The following ZNF76 variants were observed in gnomAD, a reference collection of about 807,000 sequenced individuals.
The protein encoded by ZNF76 is zinc finger protein 76, also known as zinc finger protein 523.
In ZNF76, 66 loss-of-function variants were observed where a neutral mutation model predicts 66.9. The ratio of observed to expected loss-of-function variants is 0.99; its 90% CI spans 0.81 to 1.21. The LOEUF is 1.21. Ranked by LOEUF, ZNF76 falls within the 50% of genes most tolerant of loss-of-function variation. ZNF76 has a pLI of 0.00. For synonymous variants in ZNF76, 275 were observed against 296.1 expected, an observed-to-expected ratio of 0.93 and a Z score of 0.73; for missense variants, 729 against 760.3, an observed-to-expected ratio of 0.96 and a Z score of 0.48.
chr6:35,271,804 T>C (rs1334875027), intron 1 of ZNF76, among the ~76,000 whole-genome samples: 4 of 152,006 alleles, frequency 2.6e-5, no homozygotes, highest in Non-Finnish European at 5.9e-5. Flanking sequence ...GTTTGAAGAA[T>C]ACAGCCAGGC....
intron 1 of ZNF76, among the ~76,000 whole-genome samples, chr6:35,280,313 A>G (rs991221397): frequency 6.6e-6 from 1 of 152,180 alleles, no homozygotes; most frequent in Admixed American, 6.5e-5. Flanking sequence ...GTGAACTGTG[A>G]TGGAGCCACT....
intron 2 of ZNF76, among the ~76,000 whole-genome samples, chr6:35,281,710 C>T (rs1481952197): frequency 1.3e-5 from 2 of 151,972 alleles, no homozygotes; most frequent in Non-Finnish European, 2.9e-5. Context: ...ATGGAAAGAT[C>T]ACTTGAGGCC....
intron 8 of ZNF76, 32 bp from the exon 9 acceptor site, chr6:35,291,526 A>G (rs1482047270): frequency 1.2e-6 from 2 of 1,606,948 alleles, no homozygotes; most frequent in Admixed American, 1.7e-5. Context: ...CCTCTTTCCC[A>G]CACCCCTCCT....
intron 1 of ZNF76, among the ~76,000 whole-genome samples, chr6:35,262,546 C>G (rs1402142397): frequency 6.6e-6 from 1 of 152,128 alleles, no homozygotes; most frequent in Non-Finnish European, 1.5e-5. Context: ...ACCCCAAATC[C>G]TTTCATCTTG....
At chr6:35,277,404 A>T (rs1181566721) in intron 1 of ZNF76, among the ~76,000 whole-genome samples, 11 of 152,192 alleles carry the variant, frequency 7.2e-5, no homozygotes, top group Admixed American at 7.2e-4. Context: ...CTCCTGGAAA[A>T]TGCAAAGGCT....
chr6:35,271,669 C>CAA (rs1248714563), intron 1 of ZNF76, among the ~76,000 whole-genome samples: 1,458 of 100,560 alleles, frequency 0.014, 9 homozygotes, highest in African/African-American at 0.026. Flanking sequence ...GACTCCGTCT[C>CAA]AAAAAAAAAA....
In ZNF76 at chr6:35,295,193, C is replaced by T; in HGVS notation, c.1658C>T (p.Ala553Val). Residue 553 changes from alanine (A) to valine (V), a missense_variant, in exon 14 of 14, where the codon GCC becomes GTC. Transcript: ENST00000373953. ...GAGGCCATCAATGTGGCCACTGCGG[C>T]CATGCAGCAAGGGGCTGTGACCCTG... The part of the protein sequence containing the change: ...LEEAINVATA[A>V]MQQGAVTLET... 6.2e-7 allele frequency: 1 copy of T among 1,612,364 alleles called. No individual in the cohort carries two copies. The highest frequency in any genetic ancestry group is 8.5e-7 in the Non-Finnish European group (1 of 1,179,268).
At position 35,269,329 on chromosome 6, in the gene ZNF76, T is replaced by G. The variant is rs1031669406; in HGVS notation, c.-97+9488T>G. Among the ~76,000 whole-genome samples, 5 of 149,774 alleles carry G rather than the reference T, an allele frequency of 3.3e-5. No homozygotes were observed. The East Asian group carries it at 9.9e-4, about 30-fold the overall frequency. ...TGTATGAGGCGTACTCAGGCTCCTC[T>G]CTTCCAGTTCAGAATCAGAAGGATT... On this transcript the variant is annotated intron_variant, in intron 1 of 13. Coordinates refer to ENST00000373953, the MANE Select transcript of ZNF76 (RefSeq NM_003427.5).
chr6:35,292,115 C>G lies in ZNF76; in HGVS notation c.931+378C>G, dbSNP rs1477675334. The G allele has an allele frequency of 2.4e-6, 1 of 415,804 alleles. No individual in the cohort carries two copies. The highest frequency in any genetic ancestry group is 2.0e-5 in the African/African-American group (1 of 49,642). 25.8% of individuals were successfully genotyped at this position (415,804 alleles called of 1,614,324 possible). A position where few individuals can be genotyped will look rare whatever the true frequency, so the allele number is the denominator to read the frequency against. On this transcript the variant is annotated intron_variant, in intron 9 of 13. Transcript: ENST00000373953. The surrounding 1 kb of genome is among the most constrained non-coding windows in gnomAD (Gnocchi z 4.7). ...TCACCTTATCCGCCGTCCATGACTC[C>G]TGTGTATCCTCACCCTCCCCAGTGT... is the stretch of plus-strand genomic sequence containing the variant.
rs748429557 is a variant in ZNF76 at position 35,294,476 on chromosome 6, G to T, written c.1515G>T (p.Gly505=). 5 of 1,613,862 alleles carry T rather than the reference G, an allele frequency of 3.1e-6. No individual in the cohort carries two copies. Among genetic ancestry groups the T allele is most frequent in the Non-Finnish European group, 4.2e-6 (5 of 1,179,884 alleles). The change falls in exon 13 of 14, where the codon GGG becomes GGT. Residue 505 remains glycine (G), a synonymous_variant. Coordinates refer to ENST00000373953, the MANE Select transcript of ZNF76 (RefSeq NM_003427.5). The stretch of plus-strand genomic sequence containing the variant: ...TTCAGGTCACAATCATTACCTCTGG[G>T]GCTGTGGTGGCTGAGGACTCAAGTG... ...QTQPVTIITS[G]AVVAEDSSVA...
chr6:35,281,240 G>A lies in ZNF76; in HGVS notation c.73+16G>A. The stretch of plus-strand genomic sequence containing the variant: ...GCTGTCAAAGGTAAGTATTTCTGGG[G>A]ACCTCAGGATCCTGCCCTGTCCCTC... On this transcript the variant is annotated intron_variant, in intron 2 of 13. Transcript: ENST00000373953. 6.2e-7 allele frequency: 1 copy of A among 1,612,110 alleles called. No individual in the cohort carries two copies. The highest frequency in any genetic ancestry group is 8.5e-7 in the Non-Finnish European group (1 of 1,179,142).
chr6:35,273,208 C>T (rs1375632467), intron 1 of ZNF76, among the ~76,000 whole-genome samples: 1 of 151,328 alleles, frequency 6.6e-6, no homozygotes, highest in Admixed American at 6.6e-5. Context: ...CACTCTGTTG[C>T]CCAGTGAACT....
intron 7 of ZNF76, 136 bp from the exon 8 acceptor site, chr6:35,291,142 C>A: frequency 8.2e-7 from 1 of 1,225,782 alleles, no homozygotes; most frequent in Non-Finnish European, 1.1e-6. Context: ...AGCCCCTGCC[C>A]AGGGCAGGGG....
Position 35,292,413 on chromosome 6 carries a change from C to A in ZNF76, c.932-141C>A. ...GTTCCACTGGCCATCTTCCCCAACC[C>A]TGTCCATTCAGAGTCTCAGGTCTCA... On this transcript the variant is annotated intron_variant, in intron 9 of 13. Coordinates refer to ENST00000373953, the MANE Select transcript of ZNF76 (RefSeq NM_003427.5). This position sits in a 1 kb window ranked among gnomAD's most constrained non-coding sequence, Gnocchi z 4.7. 1.2e-6 allele frequency: 1 copy of A among 810,372 alleles called. No homozygotes were observed. The highest frequency in any genetic ancestry group is 2.0e-6 in the Non-Finnish European group (1 of 490,090). The allele number at this position is 810,372 out of a possible 1,614,324, so 50.2% of individuals were successfully genotyped here. A position where few individuals can be genotyped will look rare whatever the true frequency, so the allele number is the denominator to read the frequency against.
At chr6:35,260,469 C>T (rs1785073710) in intron 1 of ZNF76, among the ~76,000 whole-genome samples, 1 of 152,182 alleles carries the variant, frequency 6.6e-6, no homozygotes, top group Non-Finnish European at 1.5e-5. Context: ...TGCCTTTATC[C>T]TAAAATCACC....
rs759569533 is a variant in ZNF76, at chr6:35,292,722, C to G, written c.1100C>G (p.Ala367Gly). ...ACCTTGGCCATGCACAAGCGCAGTGCCCACGGCGAGCTGGAGGCCACGGAG... is the reference window on the plus strand; with the variant it reads ...ACCTTGGCCATGCACAAGCGCAGTGGCCACGGCGAGCTGGAGGCCACGGAG... Reference protein sequence around the residue: ...TSTLAMHKRSAHGELEATEES... With the variant: ...TSTLAMHKRSGHGELEATEES... Residue 367 changes from alanine (A) to glycine (G), a missense_variant, in exon 10 of 14, where the codon GCC becomes GGC. Transcript: ENST00000373953. This position sits in a 1 kb window ranked among gnomAD's most constrained non-coding sequence, Gnocchi z 4.7. 6.2e-7 allele frequency: 1 copy of G among 1,613,990 alleles called. No homozygotes were observed. Among genetic ancestry groups the G allele is most frequent in the African/African-American group, 1.3e-5 (1 of 74,930 alleles).
intron 12 of ZNF76, 101 bp from the exon 13 acceptor site, chr6:35,294,355 C>T: frequency 2.5e-6 from 2 of 803,966 alleles, no homozygotes; most frequent in South Asian, 1.5e-5. Context: ...CCATTCTCTT[C>T]TGGGTTGTTC....
rs376699645 is a variant in ZNF76 at position 35,286,407 on chromosome 6, C to T, written c.232+8C>T. On this transcript the variant is annotated splice_region_variant and intron_variant, in intron 4 of 13. Transcript: ENST00000373953. ...TACACCGCACACCCAGAGGTAGGGTCACCATCATCACAACTCGGGGAAGGA... is the reference window on the plus strand; with the variant it reads ...TACACCGCACACCCAGAGGTAGGGTTACCATCATCACAACTCGGGGAAGGA... 2 of 1,613,284 alleles carry T rather than the reference C, an allele frequency of 1.2e-6. No individual in the cohort carries two copies. The highest frequency in any genetic ancestry group is 1.7e-5 in the Admixed American group (1 of 60,006).
chr6:35,286,659 A>C (rs1582154862), intron 4 of ZNF76: 1 of 574,010 alleles, frequency 1.7e-6, no homozygotes, highest in East Asian at 2.9e-5. Context: ...TGGCTCCAGC[A>C]CAGCCACAAA....
Sources: allele counts gnomAD v4.1 joint callset (sites outside exome capture counted in the v4.1 genomes callset), GRCh38; gene constraint gnomAD v4.1.1; non-coding constraint Gnocchi (gnomAD v3.1); transcripts MANE v1.5; gene names NCBI Gene and HGNC (gene_info 2026-07-23, HGNC 2026-07-21).